The following PLCB1 variants were observed in gnomAD, a reference collection of about 807,000 sequenced individuals.
PLCB1 encodes phospholipase C beta 1.
In PLCB1, 46 loss-of-function variants were observed where a neutral mutation model predicts 161.8. The observed-to-expected ratio is 0.28, with a 90% CI of 0.22 to 0.36. PLCB1 has a LOEUF of 0.36. PLCB1 is among the 10% of genes least tolerant of loss of function. PLCB1 has a pLI of 1.00. For synonymous variants in PLCB1, 517 were observed against 503.7 expected (o/e 1.03, Z -0.35); for missense variants, 1,016 against 1,472.5 (o/e 0.69, Z 5.07).
intron 3 of PLCB1, among the ~76,000 whole-genome samples, chr20:8,376,149 C>T (rs1019224119): frequency 6.6e-6 from 1 of 152,162 alleles, no homozygotes; most frequent in East Asian, 1.9e-4. Context: ...TGCCAACTTC[C>T]AGCTCTCAAG....
chr20:8,474,636 A>C (rs1982194556), intron 3 of PLCB1, among the ~76,000 whole-genome samples: 1 of 152,082 alleles, frequency 6.6e-6, no homozygotes, highest in African/African-American at 2.4e-5. Flanking sequence ...ACTCGATTTC[A>C]GGCTTGGCAT....
At chr20:8,555,889 T>C (rs1985935571) in intron 3 of PLCB1, among the ~76,000 whole-genome samples, 1 of 152,104 alleles carries the variant, frequency 6.6e-6, no homozygotes, top group African/African-American at 2.4e-5. Flanking sequence ...ATTTTTTCTA[T>C]TCCACAAAAT....
At chr20:8,878,809 A>G in intron 31 of PLCB1, among the ~76,000 whole-genome samples, 1 of 151,714 alleles carries the variant, frequency 6.6e-6, no homozygotes, top group Admixed American at 6.6e-5. Context: ...TTTTAGATTC[A>G]GAAGGTACAT....
chr20:8,650,304 A>G (rs1016327950), intron 7 of PLCB1, among the ~76,000 whole-genome samples: 1 of 152,178 alleles, frequency 6.6e-6, no homozygotes, highest in African/African-American at 2.4e-5. Flanking sequence ...TCCATAAGAT[A>G]TGTCCATGTC....
chr20:8,479,176 T>C (rs1982400201), intron 3 of PLCB1, among the ~76,000 whole-genome samples: 1 of 152,206 alleles, frequency 6.6e-6, no homozygotes, highest in African/African-American at 2.4e-5. Context: ...TTATTTGTTT[T>C]ATGTCACCTG....
At chr20:8,731,124 T>A (rs891314874) in intron 18 of PLCB1, among the ~76,000 whole-genome samples, 1 of 151,788 alleles carries the variant, frequency 6.6e-6, no homozygotes, top group Non-Finnish European at 1.5e-5. Context: ...TGCCTTTTAT[T>A]AAGTATCTAT....
chr20:8,324,145 T>C (rs1985040688), intron 2 of PLCB1, among the ~76,000 whole-genome samples: 1 of 151,910 alleles, frequency 6.6e-6, no homozygotes, highest in African/African-American at 2.4e-5. Flanking sequence ...GTAAAGACGG[T>C]TTTAAAATTA....
chr20:8,284,415 G>A (rs1983016325), intron 2 of PLCB1, among the ~76,000 whole-genome samples: 1 of 152,054 alleles, frequency 6.6e-6, no homozygotes, highest in Non-Finnish European at 1.5e-5. Context: ...GACATAACGT[G>A]TAAGAGTGGC....
At chr20:8,745,944 T>C (rs2123533643) in intron 23 of PLCB1, among the ~76,000 whole-genome samples, 1 of 152,344 alleles carries the variant, frequency 6.6e-6, no homozygotes, top group South Asian at 2.1e-4. Flanking sequence ...TGTTTGTTTG[T>C]TTTTTGAGAC....
intron 3 of PLCB1, among the ~76,000 whole-genome samples, chr20:8,566,949 T>C (rs1324133471): frequency 1.3e-5 from 2 of 152,140 alleles, no homozygotes; most frequent in Non-Finnish European, 2.9e-5. Flanking sequence ...GTTCCTTGTG[T>C]TGGTATGCAA....
At chr20:8,304,419 G>A (rs1434260376) in intron 2 of PLCB1, among the ~76,000 whole-genome samples, 1 of 151,796 alleles carries the variant, frequency 6.6e-6, no homozygotes, top group Non-Finnish European at 1.5e-5. Flanking sequence ...AGCTCAGCCA[G>A]TTTTCATTTT....
chr20:8,511,620 C>G (rs1195252250), intron 3 of PLCB1, among the ~76,000 whole-genome samples: 1 of 152,114 alleles, frequency 6.6e-6, no homozygotes, highest in Admixed American at 6.5e-5. Flanking sequence ...ATTGGCTATA[C>G]TAGTTTATAT....
chr20:8,620,200 A>T (rs1158333961), intron 3 of PLCB1, among the ~76,000 whole-genome samples: 3 of 152,134 alleles, frequency 2.0e-5, no homozygotes, highest in African/African-American at 7.2e-5. Flanking sequence ...GACTGACATG[A>T]TTGATTACTT....
chr20:8,310,753 A>C (rs1021127075), intron 2 of PLCB1, among the ~76,000 whole-genome samples: 8 of 152,086 alleles, frequency 5.3e-5, no homozygotes, highest in Admixed American at 1.3e-4. Context: ...CCCCGTGTCT[A>C]TCGTTTCCAT....
At chr20:8,354,443 G>A (rs1391132182) in intron 2 of PLCB1, among the ~76,000 whole-genome samples, 1 of 152,126 alleles carries the variant, frequency 6.6e-6, no homozygotes, top group East Asian at 1.9e-4. Context: ...GAAAACACCT[G>A]TTTAGAAATC....
At chr20:8,213,424 G>A (rs1249082160) in intron 2 of PLCB1, among the ~76,000 whole-genome samples, 1 of 152,132 alleles carries the variant, frequency 6.6e-6, no homozygotes, top group African/African-American at 2.4e-5. Flanking sequence ...ATGGGGGTAG[G>A]AAGTGGGCTG....
intron 2 of PLCB1, among the ~76,000 whole-genome samples, chr20:8,253,556 A>T (rs1981262892): frequency 6.6e-6 from 1 of 152,018 alleles, no homozygotes. Flanking sequence ...TTGTGGTTTT[A>T]TTCACAGAGG....
intron 3 of PLCB1, among the ~76,000 whole-genome samples, chr20:8,483,110 A>T (rs1406254974): frequency 2.0e-5 from 3 of 152,220 alleles, no homozygotes; most frequent in Non-Finnish European, 4.4e-5. Flanking sequence ...TAAGAGCACA[A>T]TTCTCCAAAA....
At chr20:8,810,368 T>A (rs765117319) in intron 31 of PLCB1, among the ~76,000 whole-genome samples, 2 of 152,254 alleles carry the variant, frequency 1.3e-5, no homozygotes, top group Non-Finnish European at 2.9e-5. Flanking sequence ...TGTTTTCTGA[T>A]TAGAGCTCTC....
Sources: gnomAD v4.1 joint callset for allele counts (sites outside exome capture counted in the v4.1 genomes callset) on GRCh38, gnomAD v4.1.1 for gene constraint, MANE v1.5 for transcripts, NCBI Gene and HGNC (gene_info 2026-07-23, HGNC 2026-07-21) for gene names.